FHOD3: variants seen among roughly 807,000 people sequenced by gnomAD.
The protein encoded by FHOD3 is FH1/FH2 domain-containing protein 3.
Under a neutral mutation model 173.0 loss-of-function variants are expected in FHOD3, and 90 were observed. That is an observed-to-expected ratio of 0.52 (90% CI 0.44 to 0.62). FHOD3 has a LOEUF of 0.62. FHOD3 is among the 20% of genes least tolerant of loss of function. The pLI is 0.00. For missense variants in FHOD3, 1,945 were observed against 2,034.7 expected (o/e 0.96, Z 0.85); for synonymous variants, 828 against 823.0 (o/e 1.01, Z -0.10).
chr18:36,770,244 G>A (rs1351562035), intron 28 of FHOD3, among the ~76,000 whole-genome samples: 1 of 152,228 alleles, frequency 6.6e-6, no homozygotes, highest in Non-Finnish European at 1.5e-5. Flanking sequence ...GAGAATAAGG[G>A]TTAGTGACAA....
rs552511625 is a variant in FHOD3, at chr18:36,718,436, C to G, written c.3138C>G (p.Pro1046=). The G allele has an allele frequency of 2.8e-5, 45 of 1,607,798 alleles. No homozygotes were observed. In the East Asian group the frequency reaches 9.2e-4, roughly 33 times the overall value. ...PPPPLLDSIP[P]PPVPGNLLVP... ...CGCCCCTGTTGGACAGCATTCCTCC[C>G]CCTCCTGTCCCTGGTAATTTATTGG... Residue 1046 remains proline, a synonymous_variant, in exon 19 of 29, where the codon CCC becomes CCG. Coordinates refer to ENST00000590592, the MANE Select transcript of FHOD3 (RefSeq NM_001281740.3).
At chr18:36,561,498 T>TTAA (rs538751161) in intron 5 of FHOD3, among the ~76,000 whole-genome samples, 1 of 152,218 alleles carries the variant, frequency 6.6e-6, no homozygotes, top group South Asian at 2.1e-4. Context: ...CTGCTGTGGC[T>TTAA]ATTAGGCTGC....
chr18:36,559,431 G>A (rs1041281943), intron 5 of FHOD3, among the ~76,000 whole-genome samples: 6 of 152,274 alleles, frequency 3.9e-5, no homozygotes, highest in African/African-American at 1.2e-4. Flanking sequence ...AGCTGACTTT[G>A]CCCTTTCCTC....
chr18:36,624,982 C>T (rs1158248262), intron 9 of FHOD3, among the ~76,000 whole-genome samples: 1 of 152,176 alleles, frequency 6.6e-6, no homozygotes, highest in Non-Finnish European at 1.5e-5. Flanking sequence ...ACAGTACCTG[C>T]TGTGGCACTA....
intron 15 of FHOD3, among the ~76,000 whole-genome samples, chr18:36,685,994 A>G (rs994104748): frequency 6.6e-6 from 1 of 152,276 alleles, no homozygotes; most frequent in East Asian, 1.9e-4. Flanking sequence ...CTGAGAATGT[A>G]ATGGATGTGG....
intron 1 of FHOD3, among the ~76,000 whole-genome samples, chr18:36,338,459 T>G (rs1018838442): frequency 6.6e-6 from 1 of 152,212 alleles, no homozygotes; most frequent in Non-Finnish European, 1.5e-5. Flanking sequence ...AAAAGTATTC[T>G]AAAACGCCAT....
At chr18:36,486,300 T>C (rs1410618775) in intron 3 of FHOD3, among the ~76,000 whole-genome samples, 2 of 152,246 alleles carry the variant, frequency 1.3e-5, no homozygotes, top group Non-Finnish European at 2.9e-5. Context: ...ACATTATCTG[T>C]ACTCTATCTC....
chr18:36,720,781 T>TTCCTCCTCC (rs1196357733), intron 19 of FHOD3, among the ~76,000 whole-genome samples: 1 of 37,154 alleles, frequency 2.7e-5, no homozygotes, highest in Non-Finnish European at 5.5e-5. Context: ...CCTCCTCCTC[T>TTCCTCCTCC]TCCTCCTCCT....
chr18:36,762,173 AGT>A (rs2042910164), intron 27 of FHOD3, among the ~76,000 whole-genome samples: 1 of 152,210 alleles, frequency 6.6e-6, no homozygotes, highest in Non-Finnish European at 1.5e-5. Flanking sequence ...AAATAACGGT[AGT>A]AATGATAAAT....
At chr18:36,732,347 A>G (rs960600824) in intron 20 of FHOD3, among the ~76,000 whole-genome samples, 12 of 152,164 alleles carry the variant, frequency 7.9e-5, no homozygotes, top group African/African-American at 2.9e-4. Flanking sequence ...TGGCACCCCT[A>G]GAAAACCTAT....
intron 3 of FHOD3, among the ~76,000 whole-genome samples, chr18:36,393,138 T>G (rs766093576): frequency 9.9e-5 from 15 of 152,254 alleles, no homozygotes; most frequent in Non-Finnish European, 1.9e-4. Context: ...GTGTCTGCCA[T>G]GCTGGCCACA....
intron 1 of FHOD3, among the ~76,000 whole-genome samples, chr18:36,315,116 C>CTT (rs150507566): frequency 0.12 from 18,089 of 152,122 alleles, 3,562 homozygotes; most frequent in African/African-American, 0.41. Context: ...GGCCTGGTCT[C>CTT]AGCCTACTCT....
In FHOD3 at chr18:36,687,256, T is replaced by G. The variant is rs538067086; in HGVS notation, c.2021+78T>G. On this transcript the variant is annotated intron_variant, in intron 16 of 28. Coordinates refer to ENST00000590592, the MANE Select transcript of FHOD3 (RefSeq NM_001281740.3). ...GTTAACCTAGCATGCAGAGAGACTGTCGATTAAAATATAACTGCTTCACCT... is the reference window on the plus strand; with the variant it reads ...GTTAACCTAGCATGCAGAGAGACTGGCGATTAAAATATAACTGCTTCACCT... 2,483 of 1,065,314 alleles carry G rather than the reference T, an allele frequency of 2.3e-3. 46 individuals carry two copies. In the African/African-American group the frequency reaches 0.033, roughly 14 times the overall value. 66.0% of individuals were successfully genotyped at this position (1,065,314 alleles called of 1,614,324 possible). A position where few individuals can be genotyped will look rare whatever the true frequency, so the allele number is the denominator to read the frequency against.
chr18:36,465,881 C>T (rs527811851), intron 3 of FHOD3, among the ~76,000 whole-genome samples: 34 of 152,064 alleles, frequency 2.2e-4, no homozygotes, highest in Non-Finnish European at 3.2e-4. Context: ...AGATTCTCCT[C>T]CCTCTTCTTA....
chr18:36,463,683 A>T (rs1199844115), intron 3 of FHOD3, among the ~76,000 whole-genome samples: 11 of 151,930 alleles, frequency 7.2e-5, no homozygotes, highest in Non-Finnish European at 1.2e-4. Flanking sequence ...TTCTGTAGAG[A>T]TAGGGTTTCA....
intron 16 of FHOD3, among the ~76,000 whole-genome samples, chr18:36,692,289 T>C (rs913447151): frequency 6.6e-6 from 1 of 152,198 alleles, no homozygotes; most frequent in Admixed American, 6.5e-5. Flanking sequence ...ACTGAAGCAG[T>C]GAATTGGATA....
chr18:36,511,152 G>A (rs1234237415), intron 4 of FHOD3, among the ~76,000 whole-genome samples: 1 of 152,028 alleles, frequency 6.6e-6, no homozygotes, highest in Non-Finnish European at 1.5e-5. Flanking sequence ...TTACATCACT[G>A]AGGTTTTTTA....
At chr18:36,350,458 C>T (rs1180382429) in intron 1 of FHOD3, among the ~76,000 whole-genome samples, 1 of 152,232 alleles carries the variant, frequency 6.6e-6, no homozygotes, top group Non-Finnish European at 1.5e-5. Flanking sequence ...TCCCCCATGG[C>T]TCCTGGCTTT....
At position 36,686,244 on chromosome 18, in the gene FHOD3, A is replaced by C. The variant is rs185444181; in HGVS notation, c.1971-884A>C. On this transcript the variant is annotated intron_variant, in intron 15 of 28. Coordinates refer to ENST00000590592, the MANE Select transcript of FHOD3 (RefSeq NM_001281740.3). ...ATAGACTGGATAAAGAAAATATGGT[A>C]CATATACACCATGGAATACTATGTA... Among the ~76,000 whole-genome samples, 18 of 152,274 alleles carry C rather than the reference A, an allele frequency of 1.2e-4. 1 individual carries two copies. Among genetic ancestry groups the C allele is most frequent in the Admixed American group, 7.2e-4 (11 of 15,294 alleles).
Sources: allele counts gnomAD v4.1 joint callset (sites outside exome capture counted in the v4.1 genomes callset), GRCh38; gene constraint gnomAD v4.1.1; transcripts MANE v1.5; gene names NCBI Gene and HGNC (gene_info 2026-07-23, HGNC 2026-07-21).